Variants in IDNK observed in about 807,000 individuals in gnomAD.
The protein encoded by IDNK is gluconokinase.
Under a neutral mutation model 13.0 loss-of-function variants are expected in IDNK, and 9 were observed. That is an observed-to-expected ratio of 0.69 (90% CI 0.42 to 1.21). The LOEUF is 1.21. Ranked by LOEUF, IDNK falls within the 50% of genes most tolerant of loss-of-function variation. IDNK has a pLI of 0.00. For synonymous variants in IDNK, 92 were observed against 94.9 expected (o/e 0.97, Z 0.18); for missense variants, 210 against 237.8 (o/e 0.88, Z 0.77).
intron 1 of IDNK, among the ~76,000 whole-genome samples, chr9:83,627,853 CAAAAAAA>C (rs149062579): frequency 1.1e-4 from 8 of 73,954 alleles, no homozygotes; most frequent in Non-Finnish European, 1.1e-4. Context: ...ATCCCCACCA[CAAAAAAA>C]AAAAAAAAAA....
chr9:83,639,953 T>C (rs1286641713), intron 3 of IDNK, among the ~76,000 whole-genome samples: 1 of 152,220 alleles, frequency 6.6e-6, no homozygotes, highest in Non-Finnish European at 1.5e-5. Flanking sequence ...TGAAATGAGC[T>C]GAATCTGCTC....
intron 1 of IDNK, among the ~76,000 whole-genome samples, chr9:83,625,442 C>T (rs978179124): frequency 2.0e-5 from 3 of 152,168 alleles, no homozygotes; most frequent in African/African-American, 7.2e-5. Flanking sequence ...TGTGGGTGTA[C>T]TTAAAGATCT....
At chr9:83,627,700 AGT>A (rs1410905240) in intron 1 of IDNK, among the ~76,000 whole-genome samples, 1 of 152,068 alleles carries the variant, frequency 6.6e-6, no homozygotes, top group Non-Finnish European at 1.5e-5. Context: ...TTATTTTACG[AGT>A]GTGTCTCTTT....
At chr9:83,628,841 G>A (rs773403635) in intron 2 of IDNK, 32 bp from the exon 3 acceptor site, 3 of 1,508,286 alleles carry the variant, frequency 2.0e-6, no homozygotes, top group South Asian at 1.1e-5. Context: ...CCATCTGCCT[G>A]CCACATACAC....
chr9:83,643,214 G>A (rs557449990), intron 4 of IDNK, among the ~76,000 whole-genome samples: 7 of 152,304 alleles, frequency 4.6e-5, no homozygotes, highest in Admixed American at 3.3e-4. Flanking sequence ...ATGAACTGAC[G>A]CTCAGAGAGG....
intron 1 of IDNK, 135 bp downstream of exon 1, chr9:83,623,356 G>T (rs150119668): frequency 1.2e-6 from 1 of 868,228 alleles, no homozygotes; most frequent in Admixed American, 3.2e-5. Context: ...TGAAGAAACC[G>T]AGGCCCGCGG....
intron 3 of IDNK, among the ~76,000 whole-genome samples, chr9:83,632,474 G>A (rs989209525): frequency 2.1e-5 from 3 of 144,106 alleles, no homozygotes; most frequent in Non-Finnish European, 4.5e-5. Context: ...GTGTCCAGTC[G>A]TTTGGCTTCC....
Position 83,641,576 on chromosome 9 carries a change from A to C in IDNK, c.197A>C (p.His66Pro). The change falls in exon 4 of 5, where the codon CAT (histidine) becomes CCT (proline). Residue 66 changes from histidine to proline, a missense_variant. Coordinates refer to ENST00000376419, the MANE Select transcript of IDNK (RefSeq NM_001001551.4). ...QDRIPWLCNL[H>P]DILLRDVASG... ...CGGATTCCATGGCTCTGTAACTTGC[A>C]TGACATTTTACTAAGGTAAGAGACC... is the stretch of plus-strand genomic sequence containing the variant. 6.2e-7 allele frequency: 1 copy of C among 1,614,034 alleles called. No homozygotes were observed. The highest frequency in any genetic ancestry group is 1.1e-5 in the South Asian group (1 of 91,078).
chr9:83,641,588 T>G lies in IDNK; in HGVS notation c.209T>G (p.Leu70Arg), dbSNP rs2131118943. ...PWLCNLHDIL[L>R]RDVASGQRVV... Reference sequence around the variant, plus strand: ...CTCTGTAACTTGCATGACATTTTACTAAGGTAAGAGACCACCAGGCCTTGG... The same window carrying G: ...CTCTGTAACTTGCATGACATTTTACGAAGGTAAGAGACCACCAGGCCTTGG... The change falls in exon 4 of 5, where the codon CTA (leucine) becomes CGA (arginine). Residue 70 changes from leucine (L) to arginine (R), a missense_variant. Physicochemically the swap from Leu to Arg is moderately radical, Grantham distance 102. Coordinates refer to ENST00000376419, the MANE Select transcript of IDNK (RefSeq NM_001001551.4). The G allele has an allele frequency of 6.2e-7, 1 of 1,614,072 alleles. No homozygotes were observed. Among genetic ancestry groups the G allele is most frequent in the East Asian group, 2.2e-5 (1 of 44,880 alleles).
intron 1 of IDNK, among the ~76,000 whole-genome samples, chr9:83,626,073 C>G (rs1311921038): frequency 1.3e-5 from 2 of 152,180 alleles, no homozygotes. Context: ...GAATATCTTT[C>G]TCATTGATTC....
At chr9:83,626,697 G>T in intron 1 of IDNK, 1 of 1,270,494 alleles carries the variant, frequency 7.9e-7, no homozygotes, top group South Asian at 1.3e-5. Context: ...GATTATAGGC[G>T]TGAGCCAAGG....
At chr9:83,641,466 CATGAT>C (rs66822704) in intron 3 of IDNK, 77 bp from the exon 4 acceptor site, 281,131 of 1,487,568 alleles carry the variant, frequency 0.19, 28,613 homozygotes, top group Middle Eastern at 0.27. Context: ...CATTTGTGAA[CATGAT>C]ATAACTGTTT....
intron 3 of IDNK, among the ~76,000 whole-genome samples, chr9:83,639,466 C>T (rs1388964659): frequency 6.6e-6 from 1 of 152,170 alleles, no homozygotes; most frequent in Non-Finnish European, 1.5e-5. Context: ...TCAGGATCTC[C>T]TGAGGGCTGT....
In IDNK at chr9:83,626,409, TTTTTTTG is replaced by T. The variant is rs557839923; in HGVS notation, c.51-1753_51-1747del. The T allele has an allele frequency of 6.8e-4, 208 of 303,664 alleles. 1 individual carries two copies. The highest frequency in any genetic ancestry group is 2.4e-3 in the East Asian group (20 of 8,332). The allele number at this position is 303,664 out of a possible 1,614,324, so 18.8% of individuals were successfully genotyped here. ...GTTCATTCATGGCTAATCTAACTTGTTTTTTTGTTTTTTGTTTTTTGTTTTGAGACAG... is the reference window on the plus strand; with the variant it reads ...GTTCATTCATGGCTAATCTAACTTGTTTTTTTGTTTTTTGTTTTGAGACAG... On this transcript the variant is annotated intron_variant, in intron 1 of 4. Transcript: ENST00000376419.
At chr9:83,623,250 C>T (rs1170123078) in intron 1 of IDNK, 29 bp downstream of exon 1, 17 of 1,382,684 alleles carry the variant, frequency 1.2e-5, no homozygotes, top group Admixed American at 1.2e-4. Flanking sequence ...GGGGGGCGCC[C>T]GGGACAAGTG....
intron 3 of IDNK, among the ~76,000 whole-genome samples, chr9:83,632,766 T>A (rs1587611722): frequency 6.6e-6 from 1 of 152,286 alleles, no homozygotes; most frequent in East Asian, 1.9e-4. Flanking sequence ...CTCTAAAACT[T>A]CTGTGTGTTT....
intron 4 of IDNK, among the ~76,000 whole-genome samples, chr9:83,641,908 A>G (rs1422680757): frequency 1.3e-5 from 2 of 152,216 alleles, no homozygotes; most frequent in Non-Finnish European, 2.9e-5. Context: ...TCCTACTCAC[A>G]GATTTTTGTA....
At chr9:83,637,979 C>T (rs958310933) in intron 3 of IDNK, among the ~76,000 whole-genome samples, 1 of 152,102 alleles carries the variant, frequency 6.6e-6, no homozygotes, top group Non-Finnish European at 1.5e-5. Flanking sequence ...ACCTGAGCTC[C>T]GGCTACACCC....
chr9:83,642,212 G>A (rs1345295309), intron 4 of IDNK, among the ~76,000 whole-genome samples: 2 of 152,180 alleles, frequency 1.3e-5, no homozygotes, highest in Admixed American at 6.5e-5. Context: ...ACGTGGAGAA[G>A]GATAAGGAAA....
Sources: allele counts gnomAD v4.1 joint callset (sites outside exome capture counted in the v4.1 genomes callset), GRCh38; gene constraint gnomAD v4.1.1; transcripts MANE v1.5; gene names NCBI Gene and HGNC (gene_info 2026-07-23, HGNC 2026-07-21).